The following PARD3B variants were observed in gnomAD, a reference collection of about 807,000 sequenced individuals.
PARD3B encodes par-3 family cell polarity regulator beta.
A neutral mutation model predicts 130.2 loss-of-function variants in PARD3B; 103 were observed. The observed-to-expected ratio is 0.79, with a 90% CI of 0.67 to 0.93. The LOEUF is 0.93. Ranked by LOEUF, PARD3B falls within the 40% of genes least tolerant of loss-of-function variation. PARD3B has a pLI of 0.00. For missense variants in PARD3B, 1,609 were observed against 1,499.2 expected (o/e 1.07, Z -1.21); for synonymous variants, 583 against 553.2 (o/e 1.05, Z -0.76).
At chr2:204,789,963 C>G (rs10200870) in intron 2 of PARD3B, among the ~76,000 whole-genome samples, 1 of 151,742 alleles carries the variant, frequency 6.6e-6, no homozygotes, top group Non-Finnish European at 1.5e-5. Flanking sequence ...CTCCACCTCC[C>G]GGGTTCACGC....
chr2:205,238,892 A>ATATATATATATATATGTATGTG (rs2039216992), intron 15 of PARD3B, among the ~76,000 whole-genome samples: 6 of 114,192 alleles, frequency 5.3e-5, no homozygotes, highest in Admixed American at 3.4e-4. Flanking sequence ...GTGTGTATAT[A>ATATATATATATATATGTATGTG]TATATATATA....
intron 1 of PARD3B, among the ~76,000 whole-genome samples, chr2:204,620,225 A>T (rs993260727): frequency 9.9e-5 from 15 of 151,392 alleles, no homozygotes; most frequent in Admixed American, 5.9e-4. Flanking sequence ...CTGGTCTTGA[A>T]CTCCTGACCT....
In PARD3B at chr2:205,122,015, G is replaced by T; in HGVS notation, c.1165+66G>T. On this transcript the variant is annotated intron_variant, in intron 8 of 22. Coordinates refer to ENST00000406610, the MANE Select transcript of PARD3B (RefSeq NM_001302769.2). The surrounding 1 kb of genome is among the most constrained non-coding windows in gnomAD (Gnocchi z 4.3). ...ACATGTAAAATTGGTTAAGAGAAATGCATTAAGGCTAATTTAGTTAATTCT... is the reference window on the plus strand; with the variant it reads ...ACATGTAAAATTGGTTAAGAGAAATTCATTAAGGCTAATTTAGTTAATTCT... The T allele has an allele frequency of 7.6e-7, 1 of 1,319,020 alleles. No homozygotes were observed. The highest frequency in any genetic ancestry group is 1.0e-6 in the Non-Finnish European group (1 of 962,924). The allele number at this position is 1,319,020 out of a possible 1,614,324, so 81.7% of individuals were successfully genotyped here. A position where few individuals can be genotyped will look rare whatever the true frequency, so the allele number is the denominator to read the frequency against.
intron 15 of PARD3B, among the ~76,000 whole-genome samples, chr2:205,240,315 A>G (rs929665599): frequency 3.9e-5 from 6 of 152,152 alleles, no homozygotes; most frequent in Admixed American, 1.3e-4. Context: ...GGATTACTTG[A>G]TATTTAGTTT....
At chr2:204,922,314 A>C (rs760862940) in intron 2 of PARD3B, among the ~76,000 whole-genome samples, 22 of 152,170 alleles carry the variant, frequency 1.4e-4, no homozygotes, top group Admixed American at 3.3e-4. Flanking sequence ...AAGTTGTACC[A>C]AAGTGAACTG....
chr2:204,797,684 A>T (rs1028513382), intron 2 of PARD3B, among the ~76,000 whole-genome samples: 1 of 152,212 alleles, frequency 6.6e-6, no homozygotes, highest in Non-Finnish European at 1.5e-5. Context: ...CATATATTTT[A>T]TATAAACATA....
chr2:205,182,124 C>A (rs1244953361), intron 13 of PARD3B, among the ~76,000 whole-genome samples: 1 of 152,084 alleles, frequency 6.6e-6, no homozygotes, highest in East Asian at 1.9e-4. Flanking sequence ...AATCCCTTCT[C>A]TACTTAAAAT....
chr2:204,625,148 T>C (rs1349171190), intron 1 of PARD3B, among the ~76,000 whole-genome samples: 1 of 152,212 alleles, frequency 6.6e-6, no homozygotes, highest in African/African-American at 2.4e-5. Context: ...GGAAATATTT[T>C]TTTCTCTGTA....
intron 22 of PARD3B, among the ~76,000 whole-genome samples, chr2:205,579,633 C>G (rs139051715): frequency 6.6e-6 from 1 of 152,214 alleles, no homozygotes; most frequent in Admixed American, 6.5e-5. Flanking sequence ...TTACTGCACT[C>G]GTCCCATTTT....
chr2:205,122,358 A>G lies in PARD3B; in HGVS notation c.1165+409A>G, dbSNP rs1266057115. 6.6e-6 allele frequency among the ~76,000 whole-genome samples: 1 copy of G among 152,188 alleles called. No homozygotes were observed. Among genetic ancestry groups the G allele is most frequent in the East Asian group, 1.9e-4 (1 of 5,188 alleles). On this transcript the variant is annotated intron_variant, in intron 8 of 22. Transcript: ENST00000406610. The surrounding 1 kb of genome is among the most constrained non-coding windows in gnomAD (Gnocchi z 4.3). Reference sequence around the variant, plus strand: ...TTTCTAAGACAGTCTTCTAACAACAAAAATTTACTCCTCAGAAAGCAAATA... The same window carrying G: ...TTTCTAAGACAGTCTTCTAACAACAGAAATTTACTCCTCAGAAAGCAAATA...
At chr2:204,716,487 T>A (rs2038732338) in intron 2 of PARD3B, among the ~76,000 whole-genome samples, 1 of 151,958 alleles carries the variant, frequency 6.6e-6, no homozygotes. Context: ...GACTCTTCAA[T>A]GAGAACATGG....
chr2:204,588,256 C>G (rs1338111405), intron 1 of PARD3B, among the ~76,000 whole-genome samples: 1 of 152,120 alleles, frequency 6.6e-6, no homozygotes, highest in African/African-American at 2.4e-5. Flanking sequence ...ACAAGCTAAA[C>G]AATATCATGG....
chr2:205,289,359 C>T (rs1312864016), intron 16 of PARD3B, among the ~76,000 whole-genome samples: 1 of 151,404 alleles, frequency 6.6e-6, no homozygotes, highest in East Asian at 1.9e-4. Context: ...ATTTTGTTCA[C>T]CAAAAAAAAA....
Position 205,563,301 on chromosome 2 carries a change from G to A in PARD3B, c.3260+9898G>A, listed in dbSNP as rs2053202895. Among the ~76,000 whole-genome samples the A allele has an allele frequency of 6.6e-6, 1 of 152,178 alleles. No homozygotes were observed. Among genetic ancestry groups the A allele is most frequent in the African/African-American group, 2.4e-5 (1 of 41,436 alleles). ...AACCTATTGCGTGCCTTCTATGTCT[G>A]TACGTTTTGCATGCCTTGTCTCATT... On this transcript the variant is annotated intron_variant, in intron 22 of 22. Transcript: ENST00000406610. This position sits in a 1 kb window ranked among gnomAD's most constrained non-coding sequence, Gnocchi z 4.2.
rs568663880 is a variant in PARD3B, at chr2:204,966,183, T to C, written c.394+860T>C. Among the ~76,000 whole-genome samples the C allele has an allele frequency of 3.3e-5, 5 of 152,340 alleles. No individual in the cohort carries two copies. In the South Asian group the frequency reaches 1.0e-3, roughly 32 times the overall value. On this transcript the variant is annotated intron_variant, in intron 3 of 22. Transcript: ENST00000406610. The stretch of plus-strand genomic sequence containing the variant: ...GTTAGAATCGTACATAGTACTCATT[T>C]TCCCATTTGAAATAAAATATATACT...
chr2:205,499,845 T>A (rs1269388049), intron 20 of PARD3B, 51 bp from the exon 21 acceptor site: 2 of 1,504,094 alleles, frequency 1.3e-6, no homozygotes, highest in Non-Finnish European at 1.8e-6. Context: ...AAAAGTGATT[T>A]CAAAGATGAT....
chr2:204,953,261 T>C (rs1689945988), intron 2 of PARD3B, among the ~76,000 whole-genome samples: 1 of 152,140 alleles, frequency 6.6e-6, no homozygotes, highest in African/African-American at 2.4e-5. Flanking sequence ...CTGAATATAA[T>C]GTGAAATGTT....
chr2:204,892,012 C>G (rs1411665060), intron 2 of PARD3B, among the ~76,000 whole-genome samples: 1 of 152,142 alleles, frequency 6.6e-6, no homozygotes, highest in Non-Finnish European at 1.5e-5. Context: ...GTATTGAGTG[C>G]TTCATGACGC....
chr2:205,561,628 T>C (rs2053140950), intron 22 of PARD3B, among the ~76,000 whole-genome samples: 1 of 152,206 alleles, frequency 6.6e-6, no homozygotes, highest in South Asian at 2.1e-4. Flanking sequence ...TCACACTTCA[T>C]TTATTAATAG....
Sources: allele counts gnomAD v4.1 joint callset (sites outside exome capture counted in the v4.1 genomes callset), GRCh38; gene constraint gnomAD v4.1.1; non-coding constraint Gnocchi (gnomAD v3.1); transcripts MANE v1.5; gene names NCBI Gene and HGNC (gene_info 2026-07-23, HGNC 2026-07-21).